GSE1: variants seen among roughly 807,000 people sequenced by gnomAD.
GSE1 encodes the protein genetic suppressor element 1.
GSE1 carries 32 observed loss-of-function variants against 112.6 expected under a neutral mutation model. That is an observed-to-expected ratio of 0.28 (90% CI 0.21 to 0.38). The LOEUF (loss-of-function observed/expected upper bound fraction) is 0.38, where lower values mean the gene tolerates loss of function less well. GSE1 is among the 10% of genes least tolerant of loss of function. The probability of loss-of-function intolerance (pLI) is 1.00; values close to 1 mark genes in which losing one functional copy is unlikely to be tolerated. For synonymous variants in GSE1, 1,115 were observed against 735.6 expected (o/e 1.52, Z -8.35); for missense variants, 2,348 against 1,699.2 (o/e 1.38, Z -6.71).
intron 12 of GSE1, 147 bp from the exon 13 acceptor site, chr16:85,665,829 C>T (rs769267241): frequency 8.8e-5 from 61 of 690,512 alleles, no homozygotes; most frequent in Non-Finnish European, 1.4e-4. Context: ...GCCATGTGCG[C>T]GGCGGTTACT....
chr16:85,387,551 C>T (rs1211378946), intron 2 of GSE1, among the ~76,000 whole-genome samples: 1 of 152,280 alleles, frequency 6.6e-6, no homozygotes, highest in East Asian at 1.9e-4. Flanking sequence ...CCTCCAGGAT[C>T]ACCTGACCTG....
At chr16:85,418,553 C>T (rs543432204) in intron 2 of GSE1, among the ~76,000 whole-genome samples, 19 of 152,352 alleles carry the variant, frequency 1.2e-4, no homozygotes, top group African/African-American at 4.6e-4. Flanking sequence ...CACAGGCCAG[C>T]AGCCTTCCTG....
chr16:85,463,573 C>A (rs2050037942), intron 2 of GSE1, among the ~76,000 whole-genome samples: 1 of 152,162 alleles, frequency 6.6e-6, no homozygotes, highest in Non-Finnish European at 1.5e-5. Context: ...TGTGTGTGGA[C>A]TTCGTGCCCT....
At chr16:85,558,976 G>C (rs1437718426) in intron 1 of GSE1, among the ~76,000 whole-genome samples, 2 of 152,150 alleles carry the variant, frequency 1.3e-5, no homozygotes, top group Non-Finnish European at 2.9e-5. Context: ...TCCTGCCTCA[G>C]CCTCCCGAGT....
rs867074347 is a variant in GSE1 at position 85,411,410 on chromosome 16, C to T, written c.2464+53767C>T. 2.8e-3 allele frequency among the ~76,000 whole-genome samples: 34 copies of T among 12,100 alleles called. 8 individuals carry two copies. The highest frequency in any genetic ancestry group is 5.4e-3 in the Non-Finnish European group (19 of 3,506). 7.9% of individuals were successfully genotyped at this position (12,100 alleles called of 152,430 possible). A position where few individuals can be genotyped will look rare whatever the true frequency, so the allele number is the denominator to read the frequency against. On this transcript the variant is annotated intron_variant, in intron 2 of 2. Coordinates refer to the GSE1 transcript ENST00000637419. ...ATCCTCACCGTTACACTCAGGGCCC[C>T]CCGGATAATCCTCACCGTTACACTC...
At chr16:85,173,299 C>T (rs1001937576) in intron 1 of GSE1, among the ~76,000 whole-genome samples, 3 of 152,138 alleles carry the variant, frequency 2.0e-5, no homozygotes, top group East Asian at 1.9e-4. Context: ...AGGCAGATTT[C>T]GAAATTCTGC....
chr16:85,193,144 C>T (rs1408558277), intron 1 of GSE1, among the ~76,000 whole-genome samples: 1 of 152,148 alleles, frequency 6.6e-6, no homozygotes, highest in South Asian at 2.1e-4. Context: ...ACTATTAAGA[C>T]TTCATCAAAA....
At chr16:85,477,139 G>A (rs2050483604) in intron 2 of GSE1, among the ~76,000 whole-genome samples, 1 of 152,004 alleles carries the variant, frequency 6.6e-6, no homozygotes, top group Admixed American at 6.6e-5. Context: ...TGTTGGCCAG[G>A]GTGGTCGGGT....
intron 2 of GSE1, among the ~76,000 whole-genome samples, chr16:85,364,498 C>T (rs2151585797): frequency 6.6e-6 from 1 of 152,320 alleles, no homozygotes; most frequent in Middle Eastern, 3.4e-3. Flanking sequence ...AAGTCAGCTG[C>T]ATTAGTCAGG....
At chr16:85,208,450 CCCTGACGCTTTG>C (rs1366819823) in intron 1 of GSE1, among the ~76,000 whole-genome samples, 1 of 152,198 alleles carries the variant, frequency 6.6e-6, no homozygotes, top group Non-Finnish European at 1.5e-5. Flanking sequence ...CAGGCCCCTT[CCCTGACGCTTTG>C]CCTGACGCTG....
chr16:85,449,078 C>CCGGG (rs1198484901), intron 2 of GSE1, among the ~76,000 whole-genome samples: 7 of 152,232 alleles, frequency 4.6e-5, no homozygotes, highest in Non-Finnish European at 7.3e-5. Context: ...GGGCTGGAAA[C>CCGGG]CGGGCCGGGA....
chr16:85,529,914 C>T (rs2044084695), intron 2 of GSE1, among the ~76,000 whole-genome samples: 1 of 152,186 alleles, frequency 6.6e-6, no homozygotes, highest in Non-Finnish European at 1.5e-5. Flanking sequence ...CACCTTGCTG[C>T]ACATTAGAAA....
At chr16:85,472,678 T>A (rs559539994) in intron 2 of GSE1, among the ~76,000 whole-genome samples, 4 of 152,348 alleles carry the variant, frequency 2.6e-5, no homozygotes, top group Non-Finnish European at 5.9e-5. Flanking sequence ...GCCCCAGGCC[T>A]TGCTCAGTCT....
intron 5 of GSE1, 62 bp downstream of exon 5, chr16:85,655,053 C>G: frequency 9.2e-7 from 1 of 1,081,108 alleles, no homozygotes; most frequent in South Asian, 1.3e-5. Flanking sequence ...AAGATGGAAC[C>G]TGGCGGGGAA....
chr16:85,613,904 C>T (rs116327503), intron 1 of GSE1, among the ~76,000 whole-genome samples: 4,591 of 147,428 alleles, frequency 0.031, 241 homozygotes, highest in African/African-American at 0.1. Flanking sequence ...GGTTAGGGTT[C>T]TTGTCTTGCT....
chr16:85,469,641 C>T (rs910535445), intron 2 of GSE1, among the ~76,000 whole-genome samples: 1 of 152,210 alleles, frequency 6.6e-6, no homozygotes, highest in Admixed American at 6.5e-5. Context: ...TCTGAGGCCC[C>T]CAGTACTGTG....
intron 1 of GSE1, among the ~76,000 whole-genome samples, chr16:85,261,942 G>A (rs1907735499): frequency 6.6e-6 from 1 of 152,100 alleles, no homozygotes; most frequent in Admixed American, 6.6e-5. Context: ...TTTTCTCATA[G>A]GCTCTCCCCC....
chr16:85,365,355 C>T (rs2047165164), intron 2 of GSE1, among the ~76,000 whole-genome samples: 1 of 152,238 alleles, frequency 6.6e-6, no homozygotes, highest in Admixed American at 6.5e-5. Flanking sequence ...AGACGCACCA[C>T]TCCTTCACTC....
chr16:85,437,003 A>G (rs959193056), intron 2 of GSE1, among the ~76,000 whole-genome samples: 3 of 152,196 alleles, frequency 2.0e-5, no homozygotes, highest in Non-Finnish European at 2.9e-5. Context: ...GAGCCCGGGC[A>G]GAGGCCTACT....
Sources: gnomAD v4.1 joint callset for allele counts (sites outside exome capture counted in the v4.1 genomes callset) on GRCh38, gnomAD v4.1.1 for gene constraint, MANE v1.5 for transcripts, NCBI Gene and HGNC (gene_info 2026-07-23, HGNC 2026-07-21) for gene names.